Variants in TMEM114 observed in about 807,000 individuals in gnomAD.
TMEM114 encodes the protein transmembrane protein 114.
In TMEM114, 6 loss-of-function variants were observed where a neutral mutation model predicts 6.2. The observed-to-expected ratio is 0.97, with a 90% CI of 0.53 to 1.91. TMEM114 has a LOEUF of 1.91. TMEM114 is among the 40% of genes most tolerant of loss of function. The pLI, the probability that TMEM114 is intolerant of heterozygous loss-of-function variation, is 0.01. For synonymous variants in TMEM114, 104 were observed against 73.0 expected (o/e 1.42, Z -2.16); for missense variants, 218 against 158.3 (o/e 1.38, Z -2.02).
At chr16:8,537,946 A>C (rs1306280897) in intron 2 of TMEM114, 1 of 152,066 alleles carries the variant, frequency 6.6e-6, no homozygotes, top group African/African-American at 2.4e-5. Context: ...ATAAAACAAG[A>C]GAGAAAAGAA....
At chr16:8,574,578 C>T (rs138110511) in intron 2 of TMEM114, among the ~76,000 whole-genome samples, 2 of 33,402 alleles carry the variant, frequency 6.0e-5, no homozygotes, top group African/African-American at 4.7e-4. Context: ...TCTTTCCTTC[C>T]TTCCTTCTTT....
chr16:8,554,515 G>A (rs34167323), intron 2 of TMEM114, among the ~76,000 whole-genome samples: 63,500 of 151,754 alleles, frequency 0.42, 13,669 homozygotes, highest in Middle Eastern at 0.52. Context: ...GGAATCATAC[G>A]TGTGACACTT....
chr16:8,550,135 C>T (rs187009403), intron 2 of TMEM114, among the ~76,000 whole-genome samples: 2 of 152,204 alleles, frequency 1.3e-5, no homozygotes, highest in Non-Finnish European at 2.9e-5. Context: ...AGCAAGTCAG[C>T]TTCTTCCACC....
chr16:8,572,071 C>A lies in TMEM114; in HGVS notation c.439+16G>T. On this transcript the variant is annotated intron_variant, in intron 3 of 3. Coordinates refer to ENST00000620492, the MANE Select transcript of TMEM114 (RefSeq NM_001146336.2). ...CCAGACCACAAGCCAGAGCCCTAGG[C>A]AGGGTGGGCACCTACCTCCAAAGAG... The A allele has an allele frequency of 1.3e-6, 2 of 1,528,920 alleles. No homozygotes were observed. The highest frequency in any genetic ancestry group is 2.4e-5 in the East Asian group (1 of 40,820). 94.7% of individuals were successfully genotyped at this position (1,528,920 alleles called of 1,614,324 possible).
intron 2 of TMEM114, among the ~76,000 whole-genome samples, chr16:8,573,805 T>C (rs1255392378): frequency 6.6e-6 from 1 of 152,162 alleles, no homozygotes; most frequent in Admixed American, 6.5e-5. Flanking sequence ...CAGCACCCCA[T>C]AGGGACAGGC....
At chr16:8,533,790 C>T (rs763479764), downstream of TMEM114, among the ~76,000 whole-genome samples, 1 of 152,214 alleles carries the variant, frequency 6.6e-6, no homozygotes, top group Non-Finnish European at 1.5e-5. Context: ...AATCACACAT[C>T]TCTTTCAGCA....
intron 2 of TMEM114, among the ~76,000 whole-genome samples, chr16:8,558,839 C>G (rs1216696780): frequency 6.6e-6 from 1 of 150,922 alleles, no homozygotes. Flanking sequence ...CTCCTGGGTT[C>G]AAGCAATTCT....
intron 2 of TMEM114, among the ~76,000 whole-genome samples, chr16:8,547,139 CG>C (rs1358612240): frequency 6.6e-6 from 1 of 152,084 alleles, no homozygotes; most frequent in Non-Finnish European, 1.5e-5. Flanking sequence ...ACAGCAAATA[CG>C]GCTGGGGGAA....
intron 3 of TMEM114, among the ~76,000 whole-genome samples, chr16:8,571,408 C>T (rs1015164903): frequency 2.1e-4 from 32 of 152,134 alleles, no homozygotes; most frequent in South Asian, 6.2e-4. Flanking sequence ...AACACAGGCA[C>T]GGCCTCACAT....
chr16:8,555,679 C>G (rs979435738), intron 2 of TMEM114, among the ~76,000 whole-genome samples: 1 of 152,114 alleles, frequency 6.6e-6, no homozygotes, highest in Non-Finnish European at 1.5e-5. Context: ...ATGCATCTGA[C>G]CAGGTAATTC....
intron 2 of TMEM114, among the ~76,000 whole-genome samples, chr16:8,561,938 AAGTGAATG>A (rs1567201863): frequency 7.6e-6 from 1 of 131,868 alleles, no homozygotes; most frequent in Non-Finnish European, 1.6e-5. Flanking sequence ...GTGAGTGAGT[AAGTGAATG>A]AGTGAATGAG....
At chr16:8,564,330 A>G (rs549692829) in intron 2 of TMEM114, among the ~76,000 whole-genome samples, 1 of 131,054 alleles carries the variant, frequency 7.6e-6, no homozygotes, top group Non-Finnish European at 1.6e-5. Flanking sequence ...AGTGAGTTAG[A>G]GAATGAGTCA....
chr16:8,552,515 C>T (rs1484997617), intron 2 of TMEM114, among the ~76,000 whole-genome samples: 4 of 152,090 alleles, frequency 2.6e-5, no homozygotes, highest in African/African-American at 7.2e-5. Context: ...ACTGCACACA[C>T]ACACACACAC....
intron 2 of TMEM114, among the ~76,000 whole-genome samples, chr16:8,539,548 A>C (rs1900460169): frequency 6.6e-6 from 1 of 152,104 alleles, no homozygotes; most frequent in South Asian, 2.1e-4. Context: ...CCACGCTCCA[A>C]TTCCCTTATC....
At chr16:8,572,022 T>A in intron 3 of TMEM114, 65 bp downstream of exon 3, 14 of 1,460,758 alleles carry the variant, frequency 9.6e-6, no homozygotes, top group Non-Finnish European at 1.3e-5. Context: ...TGAGGGTTCA[T>A]ACACAGTACC....
At chr16:8,546,813 CTCCTCTATCT>C (rs1900681853) in intron 2 of TMEM114, among the ~76,000 whole-genome samples, 1 of 152,236 alleles carries the variant, frequency 6.6e-6, no homozygotes, top group Admixed American at 6.5e-5. Context: ...AGGTTTCGCT[CTCCTCTATCT>C]TCCTTTGAGT....
At chr16:8,556,650 C>T (rs565595469) in intron 2 of TMEM114, among the ~76,000 whole-genome samples, 6 of 151,838 alleles carry the variant, frequency 4.0e-5, no homozygotes, top group Admixed American at 1.3e-4. Flanking sequence ...TACAGGTACC[C>T]GCCATCACAC....
At chr16:8,558,762 C>G (rs5023253) in intron 2 of TMEM114, among the ~76,000 whole-genome samples, 53,979 of 150,038 alleles carry the variant, frequency 0.36, 10,347 homozygotes, top group African/African-American at 0.49. Flanking sequence ...TTTTTTTCGA[C>G]ATGGAGTTTA....
chr16:8,538,739 C>G (rs545275269), intron 2 of TMEM114, among the ~76,000 whole-genome samples: 35 of 151,986 alleles, frequency 2.3e-4, no homozygotes, highest in Admixed American at 2.2e-3. Flanking sequence ...ATCTCCTGAC[C>G]TCGTGATCCG....
Sources: allele counts gnomAD v4.1 joint callset (sites outside exome capture counted in the v4.1 genomes callset), GRCh38; gene constraint gnomAD v4.1.1; transcripts MANE v1.5; gene names NCBI Gene and HGNC (gene_info 2026-07-23, HGNC 2026-07-21).